CNIH3: variants seen among roughly 807,000 people sequenced by gnomAD.
The protein encoded by CNIH3 is protein cornichon homolog 3.
CNIH3 carries 14 observed loss-of-function variants against 24.1 expected under a neutral mutation model. The observed-to-expected ratio is 0.58, with a 90% CI of 0.38 to 0.91. The LOEUF is 0.91. CNIH3 is among the 40% of genes least tolerant of loss of function. The pLI is 0.00. For missense variants in CNIH3, 178 were observed against 196.8 expected (o/e 0.90, Z 0.57); for synonymous variants, 68 against 73.8 (o/e 0.92, Z 0.40).
chr1:224,652,757 A>G (rs1684919465), intron 1 of CNIH3, among the ~76,000 whole-genome samples: 1 of 152,218 alleles, frequency 6.6e-6, no homozygotes, highest in Non-Finnish European at 1.5e-5. Context: ...AACCAAGCCC[A>G]TGGAAGCAAA....
chr1:224,675,922 G>C (rs1686116147), intron 1 of CNIH3, among the ~76,000 whole-genome samples: 1 of 152,178 alleles, frequency 6.6e-6, no homozygotes, highest in Non-Finnish European at 1.5e-5. Flanking sequence ...CAGCCACTTT[G>C]GAAAACAGTT....
At chr1:224,554,622 C>T (rs545672285) in intron 3 of CNIH3, among the ~76,000 whole-genome samples, 26 of 151,346 alleles carry the variant, frequency 1.7e-4, no homozygotes, top group African/African-American at 5.6e-4. Flanking sequence ...CTTGTTCTGT[C>T]ACCCAGACTG....
At chr1:224,537,107 A>AT (rs1449806173), downstream of CNIH3, 1 of 152,186 alleles carries the variant, frequency 6.6e-6, no homozygotes, top group African/African-American at 2.4e-5. Flanking sequence ...AGCTACAAAG[A>AT]TTTTTTAAAA....
At chr1:224,619,677 C>G (rs899173881) in intron 1 of CNIH3, among the ~76,000 whole-genome samples, 8 of 152,148 alleles carry the variant, frequency 5.3e-5, no homozygotes, top group Non-Finnish European at 1.2e-4. Context: ...ATTGAGGAGA[C>G]TTGGTTTTAT....
At chr1:224,632,238 C>G (rs1683857314) in intron 1 of CNIH3, among the ~76,000 whole-genome samples, 1 of 152,158 alleles carries the variant, frequency 6.6e-6, no homozygotes, top group Non-Finnish European at 1.5e-5. Context: ...AGCTACATAT[C>G]CGGGCCTCTA....
intron 3 of CNIH3, among the ~76,000 whole-genome samples, chr1:224,727,137 C>G (rs541812635): frequency 6.6e-6 from 1 of 152,108 alleles, no homozygotes; most frequent in African/African-American, 2.4e-5. Context: ...CTGCCGGCCT[C>G]GATGGCTTGT....
At chr1:224,693,689 G>A (rs957660283) in intron 3 of CNIH3, among the ~76,000 whole-genome samples, 1 of 152,204 alleles carries the variant, frequency 6.6e-6, no homozygotes, top group Non-Finnish European at 1.5e-5. Context: ...CAAAGTTAGG[G>A]GCAAAGGGTG....
chr1:224,695,788 C>A (rs1031607485), intron 3 of CNIH3, among the ~76,000 whole-genome samples: 1 of 152,160 alleles, frequency 6.6e-6, no homozygotes, highest in African/African-American at 2.4e-5. Flanking sequence ...TAGGCTGGTC[C>A]CCTTACTGCA....
At chr1:224,658,385 G>A (rs1685195340) in intron 1 of CNIH3, among the ~76,000 whole-genome samples, 1 of 151,894 alleles carries the variant, frequency 6.6e-6, no homozygotes, top group South Asian at 2.1e-4. Context: ...TGCTCAGCTG[G>A]TCTTGAACTG....
chr1:224,662,240 A>T (rs1266017529), intron 1 of CNIH3, among the ~76,000 whole-genome samples: 2 of 152,162 alleles, frequency 1.3e-5, no homozygotes, highest in African/African-American at 2.4e-5. Context: ...TATACCATTT[A>T]CCTTTCACTC....
At chr1:224,558,085 G>C (rs761526330) in intron 3 of CNIH3, among the ~76,000 whole-genome samples, 1 of 152,202 alleles carries the variant, frequency 6.6e-6, no homozygotes, top group East Asian at 1.9e-4. Context: ...CCTGGGCTCA[G>C]CTGGGAAGTT....
chr1:224,473,668 T>C (rs1324979849), intron 1 of CNIH3, among the ~76,000 whole-genome samples: 1 of 151,826 alleles, frequency 6.6e-6, no homozygotes, highest in Non-Finnish European at 1.5e-5. Flanking sequence ...TTACTAGAGC[T>C]AAAGAGAGAG....
intron 1 of CNIH3, among the ~76,000 whole-genome samples, chr1:224,645,480 C>T (rs1266938028): frequency 1.3e-5 from 2 of 152,262 alleles, no homozygotes; most frequent in African/African-American, 4.8e-5. Flanking sequence ...GCTGAGCCAG[C>T]GGTGCCGAGC....
rs533371553 is a variant in CNIH3, at chr1:224,488,136, A to G, written n.204-27605A>G. ...TAGGTATGATATGATACGAGCTACT[A>G]AAGAGGTATAAGTCAAAAATCCTGG... is the stretch of plus-strand genomic sequence containing the variant. On this transcript the variant is annotated intron_variant and non_coding_transcript_variant, in intron 1 of 5. Transcript: ENST00000471578. Among the ~76,000 whole-genome samples, 30 of 152,088 alleles carry G rather than the reference A, an allele frequency of 2.0e-4. 1 individual carries two copies. The South Asian group carries it at 5.6e-3, about 28-fold the overall frequency.
At chr1:224,579,182 C>A (rs976294820) in intron 4 of CNIH3, among the ~76,000 whole-genome samples, 1 of 148,488 alleles carries the variant, frequency 6.7e-6, no homozygotes, top group Non-Finnish European at 1.5e-5. Flanking sequence ...TTTTTAATTT[C>A]TAAGAACGCC....
intron 1 of CNIH3, among the ~76,000 whole-genome samples, chr1:224,444,943 C>G (rs1675089188): frequency 7.3e-6 from 1 of 136,204 alleles, no homozygotes; most frequent in Non-Finnish European, 1.6e-5. Context: ...ACGCCCGGCC[C>G]TTTTTTTTTT....
At position 224,455,631 on chromosome 1, in the gene CNIH3, C is replaced by T. The variant is rs529071273; in HGVS notation, n.203+20769C>T. Among the ~76,000 whole-genome samples, 6 of 144,720 alleles carry T rather than the reference C, an allele frequency of 4.1e-5. No homozygotes were observed. In the East Asian group the frequency reaches 8.4e-4, roughly 20 times the overall value. The allele number at this position is 144,720 out of a possible 152,430, so 94.9% of individuals were successfully genotyped here. A position where few individuals can be genotyped will look rare whatever the true frequency, so the allele number is the denominator to read the frequency against. On this transcript the variant is annotated intron_variant and non_coding_transcript_variant, in intron 1 of 5. Transcript: ENST00000471578. ...TAGATGAGGGTGATGCTGGGTGGTC[C>T]CTGCCCAAGGCTTAGTCTGACCCTA...
intron 1 of CNIH3, among the ~76,000 whole-genome samples, chr1:224,483,112 A>G: frequency 6.6e-6 from 1 of 152,086 alleles, no homozygotes; most frequent in East Asian, 1.9e-4. Flanking sequence ...GGGAATGGGG[A>G]GGGATGGTGT....
At chr1:224,542,895 C>A (rs116602369) in intron 2 of CNIH3, among the ~76,000 whole-genome samples, 2,401 of 152,314 alleles carry the variant, frequency 0.016, 24 homozygotes, top group Middle Eastern at 0.041. Context: ...GGCATGGAGA[C>A]TCTAATACCA....
Sources: gnomAD v4.1 joint callset for allele counts (sites outside exome capture counted in the v4.1 genomes callset) on GRCh38, gnomAD v4.1.1 for gene constraint, MANE v1.5 for transcripts, NCBI Gene and HGNC (gene_info 2026-07-23, HGNC 2026-07-21) for gene names.